The following BAHCC1 variants were observed in gnomAD, a reference collection of about 807,000 sequenced individuals.
BAHCC1 encodes BAH and coiled-coil domain-containing protein 1.
BAHCC1 carries 43 observed loss-of-function variants against 88.2 expected under a neutral mutation model. That is an observed-to-expected ratio of 0.49 (90% CI 0.38 to 0.63). The LOEUF is 0.63. Ranked by LOEUF, BAHCC1 falls within the 20% of genes least tolerant of loss-of-function variation. The pLI, the probability that BAHCC1 is intolerant of heterozygous loss-of-function variation, is 0.00. For synonymous variants in BAHCC1, 1,510 were observed against 745.5 expected (o/e 2.03, Z -16.71); for missense variants, 3,023 against 1,654.8 (o/e 1.83, Z -14.34).
chr17:81,417,029 C>T (rs1479490983), intron 2 of BAHCC1, among the ~76,000 whole-genome samples: 2 of 152,158 alleles, frequency 1.3e-5, no homozygotes, highest in Non-Finnish European at 2.9e-5. Context: ...TGTCCAGGGT[C>T]AGGGCAGGGG....
intron 2 of BAHCC1, chr17:81,401,845 C>G (rs2063820913): frequency 6.6e-6 from 1 of 152,392 alleles, no homozygotes; most frequent in African/African-American, 2.4e-5. Context: ...ACCCCATGCC[C>G]CAGCTCACAT....
intron 2 of BAHCC1, among the ~76,000 whole-genome samples, chr17:81,405,443 G>A (rs1388263892): frequency 6.6e-6 from 1 of 152,138 alleles, no homozygotes; most frequent in African/African-American, 2.4e-5. Context: ...TGGGGTTGGA[G>A]TAAGGGTAAC....
At position 81,443,392 on chromosome 17, in the gene BAHCC1, G is replaced by A. The variant is rs1318063725; in HGVS notation, c.2043G>A (p.Pro681=). ...AGGGCCCAGGCCAGTCGGAGAGGCC[G>A]GACTGTGCCCGCAGCAGGGAGCACG... is the stretch of plus-strand genomic sequence containing the variant. ...SSKGPGQSER[P]DCARSREHDT... Residue 681 remains proline (P), a synonymous_variant, in exon 5 of 28, where the codon CCG becomes CCA. Transcript: ENST00000675386. 8 of 773,628 alleles carry A rather than the reference G, an allele frequency of 1.0e-5. No homozygotes were observed. Among genetic ancestry groups the A allele is most frequent in the African/African-American group, 3.4e-5 (2 of 59,146 alleles). The allele number at this position is 773,628 out of a possible 1,614,324, so 47.9% of individuals were successfully genotyped here.
At position 81,434,487 on chromosome 17, in the gene BAHCC1, G is replaced by A. The variant is rs189561890; in HGVS notation, c.359-3883G>A. Among the ~76,000 whole-genome samples, 574 of 152,286 alleles carry A rather than the reference G, an allele frequency of 3.8e-3. 3 individuals carry two copies. The highest frequency in any genetic ancestry group is 5.4e-3 in the East Asian group (28 of 5,178). On this transcript the variant is annotated intron_variant, in intron 3 of 27. Coordinates refer to ENST00000675386, the MANE Select transcript of BAHCC1 (RefSeq NM_001377448.1). This position sits in a 1 kb window ranked among gnomAD's most constrained non-coding sequence, Gnocchi z 4.9. ...GCGTGCGGGCTGGGGCAGGGCGCTCGAGGTGTGCTTCAGCACCCCCAGAAG... is the reference window on the plus strand; with the variant it reads ...GCGTGCGGGCTGGGGCAGGGCGCTCAAGGTGTGCTTCAGCACCCCCAGAAG...
At chr17:81,452,933 C>T (rs1568029586) in intron 14 of BAHCC1, 82 bp downstream of exon 14, 3 of 627,132 alleles carry the variant, frequency 4.8e-6, no homozygotes, top group Non-Finnish European at 8.4e-6. Context: ...CCAGGCTCCC[C>T]TGAGGCTTCC....
At position 81,435,103 on chromosome 17, in the gene BAHCC1, C is replaced by T. The variant is rs1555651524; in HGVS notation, c.359-3267C>T. On this transcript the variant is annotated intron_variant, in intron 3 of 27. Coordinates refer to ENST00000675386, the MANE Select transcript of BAHCC1 (RefSeq NM_001377448.1). The surrounding 1 kb of genome is among the most constrained non-coding windows in gnomAD (Gnocchi z 4.4). ...CCTTCAGCCCTGCCCCAGGGGCACC[C>T]CCGACCCCCACTGACTGCCCACTCT... is the stretch of plus-strand genomic sequence containing the variant. Among the ~76,000 whole-genome samples the T allele has an allele frequency of 6.6e-6, 1 of 152,112 alleles. No individual in the cohort carries two copies. Among genetic ancestry groups the T allele is most frequent in the Non-Finnish European group, 1.5e-5 (1 of 67,998 alleles).
Position 81,413,329 on chromosome 17 carries a change from G to T in BAHCC1, c.178+13412G>T, listed in dbSNP as rs137882137. ...TGTGACTTGGCCAAGCGTAAGCCCC[G>T]GGCTCACTGGAAGCCTCGCTCCTTC... On this transcript the variant is annotated intron_variant, in intron 2 of 27. Coordinates refer to ENST00000675386, the MANE Select transcript of BAHCC1 (RefSeq NM_001377448.1). Among the ~76,000 whole-genome samples, 548 of 152,196 alleles carry T rather than the reference G, an allele frequency of 3.6e-3. 5 individuals carry two copies. The highest frequency in any genetic ancestry group is 0.013 in the African/African-American group (525 of 41,516).
rs531040916 is a variant in BAHCC1, at chr17:81,441,147, C to G, written c.482-684C>G. Among the ~76,000 whole-genome samples the G allele has an allele frequency of 1.1e-4, 17 of 152,322 alleles. No homozygotes were observed. In the South Asian group the frequency reaches 3.1e-3, roughly 28 times the overall value. ...GGCCAGGCAGGGGAGAGACTGGCCTCGGGTTTGCATCTCCCATCTCTGAGG... is the reference window on the plus strand; with the variant it reads ...GGCCAGGCAGGGGAGAGACTGGCCTGGGGTTTGCATCTCCCATCTCTGAGG... On this transcript the variant is annotated intron_variant, in intron 4 of 27. Transcript: ENST00000675386.
Position 81,465,790 on chromosome 17 carries a change from G to T in BAHCC1, c.*1973G>T, listed in dbSNP as rs1354493593. ...CTGGGGGCTTATGTTGTGGTCGGGG[G>T]TCCCCGCCTCCAGCCCCCCGCTCCC... On this transcript the variant is annotated 3_prime_UTR_variant, in exon 28 of 28. Transcript: ENST00000675386. 6.6e-6 allele frequency: 1 copy of T among 152,320 alleles called. No homozygotes were observed. Among genetic ancestry groups the T allele is most frequent in the African/African-American group, 2.4e-5 (1 of 41,464 alleles). 9.4% of individuals were successfully genotyped at this position (152,320 alleles called of 1,614,324 possible).
chr17:81,431,020 GGCGTGGGGGTGGAGGGGACA>G (rs1446692556), intron 3 of BAHCC1, among the ~76,000 whole-genome samples: 1 of 140,886 alleles, frequency 7.1e-6, no homozygotes, highest in Non-Finnish European at 1.6e-5. Context: ...TGGGGGTCTC[GGCGTGGGGGTGGAGGGGACA>G]GCGTGGGGGT....
intron 15 of BAHCC1, chr17:81,456,091 G>C: frequency 1.8e-6 from 1 of 545,032 alleles, no homozygotes; most frequent in Non-Finnish European, 3.2e-6. Flanking sequence ...GTGGGCAGTG[G>C]GTTGTGTGGG....
rs959692573 is a variant in BAHCC1, at chr17:81,466,178, G to T, written c.*2361G>T. Reference sequence around the variant, plus strand: ...TGTAAATGTGTAAACTAAGGGGATGGTTGGATTTTTTTTCAATGTAAACAC... The same window carrying T: ...TGTAAATGTGTAAACTAAGGGGATGTTTGGATTTTTTTTCAATGTAAACAC... On this transcript the variant is annotated 3_prime_UTR_variant, in exon 28 of 28. Transcript: ENST00000675386. 6.6e-6 allele frequency: 1 copy of T among 152,540 alleles called. No individual in the cohort carries two copies. The highest frequency in any genetic ancestry group is 1.5e-5 in the Non-Finnish European group (1 of 68,048). 9.4% of individuals were successfully genotyped at this position (152,540 alleles called of 1,614,324 possible). A position where few individuals can be genotyped will look rare whatever the true frequency, so the allele number is the denominator to read the frequency against.
Position 81,399,944 on chromosome 17 carries a change from G to T in BAHCC1, c.178+27G>T. The T allele has an allele frequency of 7.6e-7, 1 of 1,323,026 alleles. No homozygotes were observed. The highest frequency in any genetic ancestry group is 2.0e-5 in the South Asian group (1 of 49,854). The allele number at this position is 1,323,026 out of a possible 1,614,324, so 82.0% of individuals were successfully genotyped here. The stretch of plus-strand genomic sequence containing the variant: ...TCAGTGCTCGGCCGGGGCGGGCGCG[G>T]GACGGGAGCGTTCGAGAGCGGAACA... On this transcript the variant is annotated intron_variant, in intron 2 of 27. Transcript: ENST00000675386. The surrounding 1 kb of genome is among the most constrained non-coding windows in gnomAD (Gnocchi z 4.5).
At chr17:81,401,139 A>G (rs1738801569) in intron 2 of BAHCC1, 1 of 152,310 alleles carries the variant, frequency 6.6e-6, no homozygotes, top group African/African-American at 2.4e-5. Flanking sequence ...AGACGGGGCT[A>G]GAAAGGAAAA....
At chr17:81,409,840 T>C (rs940300412) in intron 2 of BAHCC1, among the ~76,000 whole-genome samples, 5 of 152,180 alleles carry the variant, frequency 3.3e-5, no homozygotes, top group Admixed American at 6.5e-5. Context: ...CTGGGACTCA[T>C]GTCACCAGGC....
chr17:81,455,457 T>A (rs538460193), intron 15 of BAHCC1, 67 bp downstream of exon 15: 1 of 691,380 alleles, frequency 1.4e-6, no homozygotes, highest in African/African-American at 1.8e-5. Context: ...TCCTGGCAGG[T>A]AGCAGACTCT....
chr17:81,420,704 C>T (rs782003482), intron 2 of BAHCC1, among the ~76,000 whole-genome samples: 9 of 152,252 alleles, frequency 5.9e-5, no homozygotes, highest in South Asian at 2.1e-4. Flanking sequence ...GCTGCAAACC[C>T]GGCCTGGGCC....
At position 81,444,747 on chromosome 17, in the gene BAHCC1, C is replaced by A; in HGVS notation, c.2592C>A (p.Phe864Leu). The change falls in exon 8 of 28, where the codon TTC becomes TTA. Residue 864 changes from phenylalanine (F) to leucine (L), a missense_variant. Phe to Leu is a conservative substitution (Grantham distance 22). Coordinates refer to ENST00000675386, the MANE Select transcript of BAHCC1 (RefSeq NM_001377448.1). Reference protein sequence around the residue: ...ASVAGPVPSVFPLPQDAPTQL... With the variant: ...ASVAGPVPSVLPLPQDAPTQL... ...TGGCTGGCCCTGTGCCCTCTGTCTT[C>A]CCCCTCCCACAGGACGCCCCCACAC... 1 of 778,614 alleles carries A rather than the reference C, an allele frequency of 1.3e-6. No individual in the cohort carries two copies. The allele number at this position is 778,614 out of a possible 1,614,324, so 48.2% of individuals were successfully genotyped here.
chr17:81,418,951 C>T (rs1234189824), intron 2 of BAHCC1, among the ~76,000 whole-genome samples: 1 of 151,834 alleles, frequency 6.6e-6, no homozygotes, highest in Non-Finnish European at 1.5e-5. Context: ...CAGTCCCTCC[C>T]CTGCCTCTGT....
Sources: gnomAD v4.1 joint callset for allele counts (sites outside exome capture counted in the v4.1 genomes callset) on GRCh38, gnomAD v4.1.1 for gene constraint, Gnocchi (gnomAD v3.1) non-coding constraint, MANE v1.5 for transcripts, NCBI Gene and HGNC (gene_info 2026-07-23, HGNC 2026-07-21) for gene names.